The following PNRC1 variants were observed in gnomAD, a reference collection of about 807,000 sequenced individuals.
PNRC1 encodes proline-rich nuclear receptor coactivator 1.
PNRC1 carries 6 observed loss-of-function variants against 20.2 expected under a neutral mutation model. The ratio of observed to expected loss-of-function variants is 0.30; its 90% CI spans 0.16 to 0.59. The LOEUF (loss-of-function observed/expected upper bound fraction) is 0.59, where lower values mean the gene tolerates loss of function less well. Ranked by LOEUF, PNRC1 falls within the 20% of genes least tolerant of loss-of-function variation. PNRC1 has a pLI of 0.89. For synonymous variants in PNRC1, 202 were observed against 186.9 expected (o/e 1.08, Z -0.66); for missense variants, 488 against 430.2 (o/e 1.13, Z -1.19).
rs780684799 is a variant in PNRC1, at chr6:89,080,998, T to C, written c.104T>C (p.Val35Ala). The change falls in exon 1 of 2, where the codon GTG (valine) becomes GCG (alanine). Residue 35 changes from valine (V) to alanine (A), a missense_variant. Val to Ala is a moderately conservative substitution (Grantham distance 64). Transcript: ENST00000336032. Reference protein sequence around the residue: ...SRGYFGALPMVTTAPPPLPRI... With the variant: ...SRGYFGALPMATTAPPPLPRI... ...GGTTACTTTGGGGCCCTCCCGATGG[T>C]GACCACGGCTCCGCCTCCTTTACCC... is the stretch of plus-strand genomic sequence containing the variant. The C allele has an allele frequency of 6.2e-7, 1 of 1,613,014 alleles. No individual in the cohort carries two copies. The highest frequency in any genetic ancestry group is 1.1e-5 in the South Asian group (1 of 91,090).
chr6:89,081,483 G>A (rs2127985463), intron 1 of PNRC1, 49 bp downstream of exon 1: 5 of 1,127,220 alleles, frequency 4.4e-6, no homozygotes, highest in Non-Finnish European at 5.6e-6. Flanking sequence ...AGACGGTCGC[G>A]GCCGAGCTCT....
At position 89,081,211 on chromosome 6, in the gene PNRC1, C is replaced by T; in HGVS notation, c.317C>T (p.Pro106Leu). 2 of 1,560,838 alleles carry T rather than the reference C, an allele frequency of 1.3e-6. No individual in the cohort carries two copies. The highest frequency in any genetic ancestry group is 8.6e-7 in the Non-Finnish European group (1 of 1,161,770). The change falls in exon 1 of 2, where the codon CCC (proline) becomes CTC (leucine). Residue 106 changes from proline to leucine, a missense_variant. Coordinates refer to ENST00000336032, the MANE Select transcript of PNRC1 (RefSeq NM_006813.3). ...KRRKKKVRASPAGQLPSRFHQ... is the reference protein window; with the variant it reads ...KRRKKKVRASLAGQLPSRFHQ... ...CGAAAGAAGAAGGTGCGGGCCAGCC[C>T]CGCAGGGCAGCTGCCCAGCCGCTTC...
Position 89,084,071 on chromosome 6 carries a change from C to G in PNRC1, c.859C>G (p.Pro287Ala). Residue 287 changes from proline to alanine, a missense_variant, in exon 2 of 2, where the codon CCA becomes GCA. By Grantham distance (27) the Pro-to-Ala change is conservative. Transcript: ENST00000336032. Reference sequence around the variant, plus strand: ...TTATGCTGGGGCAAAGTTTAGTGATCCACCTTCTCCTAGTGTTCTTCCAAA... The same window carrying G: ...TTATGCTGGGGCAAAGTTTAGTGATGCACCTTCTCCTAGTGTTCTTCCAAA... Reference protein sequence around the residue: ...ENYAGAKFSDPPSPSVLPKPP... With the variant: ...ENYAGAKFSDAPSPSVLPKPP... 1 of 1,614,052 alleles carries G rather than the reference C, an allele frequency of 6.2e-7. No homozygotes were observed. Among genetic ancestry groups the G allele is most frequent in the Non-Finnish European group, 8.5e-7 (1 of 1,179,962 alleles).
Position 89,080,869 on chromosome 6 carries a change from TG to T in PNRC1, c.-25del. 1 of 1,605,490 alleles carries T rather than the reference TG, an allele frequency of 6.2e-7. No individual in the cohort carries two copies. The highest frequency in any genetic ancestry group is 2.2e-5 in the East Asian group (1 of 44,858). On this transcript the variant is annotated 5_prime_UTR_variant, in exon 1 of 2. Transcript: ENST00000336032. Reference sequence around the variant, plus strand: ...ATTCACCTTCTCCTTCTCTCTTCGTTGCTGAGCGACAAGCTTCCTAGCGCTA... The same window carrying T: ...ATTCACCTTCTCCTTCTCTCTTCGTTCTGAGCGACAAGCTTCCTAGCGCTA...
In PNRC1 at chr6:89,081,371, A is replaced by G; in HGVS notation, c.477A>G (p.Gly159=). 7.0e-7 allele frequency: 1 copy of G among 1,420,322 alleles called. No homozygotes were observed. The highest frequency in any genetic ancestry group is 9.1e-7 in the Non-Finnish European group (1 of 1,098,076). 88.0% of individuals were successfully genotyped at this position (1,420,322 alleles called of 1,614,324 possible). ...CTGCAGCCGCAGCCGGCACGGAGGG[A>G]GCCAGCCCCGACCTTGCCCCGCTGC... ...PSPAAAAGTE[G]ASPDLAPLRP... The change falls in exon 1 of 2, where the codon GGA becomes GGG. Residue 159 remains glycine (G), a synonymous_variant. Transcript: ENST00000336032.
chr6:89,081,514 C>CG (rs1202177000), intron 1 of PNRC1, 80 bp downstream of exon 1: 128 of 12,532 alleles, frequency 0.01, 1 homozygote, highest in Admixed American at 0.019. Context: ...ACCCTGCACC[C>CG]GGGGGGTCGG....
chr6:89,080,856 CTTCTCT>C lies in PNRC1; in HGVS notation c.-38_-33del. ...CTTCACTGGCTTCATTCACCTTCTC[CTTCTCT>C]CTTCGTTGCTGAGCGACAAGCTTCC... On this transcript the variant is annotated 5_prime_UTR_variant, in exon 1 of 2. Transcript: ENST00000336032. 6.3e-7 allele frequency: 1 copy of C among 1,597,324 alleles called. No individual in the cohort carries two copies. Among genetic ancestry groups the C allele is most frequent in the Middle Eastern group, 1.7e-4 (1 of 6,044 alleles).
In PNRC1 at chr6:89,080,756, T is replaced by C; in HGVS notation, c.-139T>C. 1.2e-6 allele frequency: 1 copy of C among 802,986 alleles called. No homozygotes were observed. Among genetic ancestry groups the C allele is most frequent in the South Asian group, 1.5e-5 (1 of 65,842 alleles). The allele number at this position is 802,986 out of a possible 1,614,324, so 49.7% of individuals were successfully genotyped here. ...AGCTGGGGCTGTGGCTATTTGTTGC[T>C]GCGCCGCCACCGCCCGAGTCATGTT... is the stretch of plus-strand genomic sequence containing the variant. On this transcript the variant is annotated 5_prime_UTR_variant, in exon 1 of 2. Coordinates refer to ENST00000336032, the MANE Select transcript of PNRC1 (RefSeq NM_006813.3).
chr6:89,081,857 C>G (rs1484235498), intron 1 of PNRC1: 2 of 153,424 alleles, frequency 1.3e-5, no homozygotes, highest in Non-Finnish European at 2.9e-5. Context: ...GTGGGGGCAG[C>G]TGGGGAAGGA....
In PNRC1 at chr6:89,081,040, G is replaced by A; in HGVS notation, c.146G>A (p.Arg49Gln). Residue 49 changes from arginine to glutamine, a missense_variant, in exon 1 of 2, where the codon CGG becomes CAG. Physicochemically the swap from Arg to Gln is conservative, Grantham distance 43. Transcript: ENST00000336032. ...CCTTTACCCCGGATCCCGGACCCCC[G>A]GGCACTGCCCCCGACCCTCTTCCTC... ...PPPLPRIPDP[R>Q]ALPPTLFLPH... is the part of the protein sequence containing the mutation. 1.2e-6 allele frequency: 2 copies of A among 1,611,304 alleles called. No homozygotes were observed. The highest frequency in any genetic ancestry group is 1.7e-6 in the Non-Finnish European group (2 of 1,179,854).
chr6:89,082,611 C>G (rs1434422351), intron 1 of PNRC1: 5 of 152,150 alleles, frequency 3.3e-5, no homozygotes, highest in Non-Finnish European at 5.9e-5. Flanking sequence ...GGTCCTCTTT[C>G]GTGTCGTGTC....
At position 89,080,796 on chromosome 6, in the gene PNRC1, G is replaced by A; in HGVS notation, c.-99G>A. Reference sequence around the variant, plus strand: ...CGAGTCATGTTCCGCGATCTTCTCAGGCTCTCCTAGCAGCATCCATCGCCG... The same window carrying A: ...CGAGTCATGTTCCGCGATCTTCTCAAGCTCTCCTAGCAGCATCCATCGCCG... On this transcript the variant is annotated 5_prime_UTR_variant, in exon 1 of 2. Transcript: ENST00000336032. The A allele has an allele frequency of 8.6e-7, 1 of 1,161,996 alleles. No homozygotes were observed. The highest frequency in any genetic ancestry group is 1.3e-5 in the South Asian group (1 of 79,300). The allele number at this position is 1,161,996 out of a possible 1,614,324, so 72.0% of individuals were successfully genotyped here.
At chr6:89,081,470 C>T (rs1767991972) in intron 1 of PNRC1, 36 bp downstream of exon 1, 8 of 1,053,724 alleles carry the variant, frequency 7.6e-6, no homozygotes, top group South Asian at 6.3e-5. Flanking sequence ...GAGTCGGGCC[C>T]TTAGACGGTC....
Position 89,080,779 on chromosome 6 carries a change from G to A in PNRC1, c.-116G>A, listed in dbSNP as rs1374864095. The stretch of plus-strand genomic sequence containing the variant: ...GCTGCGCCGCCACCGCCCGAGTCAT[G>A]TTCCGCGATCTTCTCAGGCTCTCCT... On this transcript the variant is annotated 5_prime_UTR_variant, in exon 1 of 2. The change abolishes an upstream ATG in the 5' untranslated region. Transcript: ENST00000336032. The A allele has an allele frequency of 4.0e-6, 4 of 990,432 alleles. No individual in the cohort carries two copies. The highest frequency in any genetic ancestry group is 2.2e-5 in the Admixed American group (1 of 45,896). 61.4% of individuals were successfully genotyped at this position (990,432 alleles called of 1,614,324 possible).
Position 89,084,386 on chromosome 6 carries a change from G to A in PNRC1, c.*190G>A. 1 of 508,940 alleles carries A rather than the reference G, an allele frequency of 2.0e-6. No individual in the cohort carries two copies. Among genetic ancestry groups the A allele is most frequent in the Non-Finnish European group, 3.5e-6 (1 of 283,500 alleles). The allele number at this position is 508,940 out of a possible 1,614,324, so 31.5% of individuals were successfully genotyped here. A position where few individuals can be genotyped will look rare whatever the true frequency, so the allele number is the denominator to read the frequency against. On this transcript the variant is annotated 3_prime_UTR_variant, in exon 2 of 2. Coordinates refer to ENST00000336032, the MANE Select transcript of PNRC1 (RefSeq NM_006813.3). The stretch of plus-strand genomic sequence containing the variant: ...AAATACTGTATACCATGTATTATGT[G>A]TATATTGTTCATACTTGAGAGGTAT...
intron 1 of PNRC1, among the ~76,000 whole-genome samples, 157 bp from the exon 2 acceptor site, chr6:89,083,596 C>T (rs1305755328): frequency 6.6e-6 from 1 of 152,142 alleles, no homozygotes; most frequent in Admixed American, 6.5e-5. Flanking sequence ...AGGGTAATGG[C>T]CCCCAGCTAC....
rs142290803 is a variant in PNRC1, at chr6:89,080,915, G to A, written c.21G>A (p.Pro7=). The change falls in exon 1 of 2, where the codon CCG becomes CCA. Residue 7 remains proline (P), a synonymous_variant. Transcript: ENST00000336032. ...GCGCTATGACTGTCGTCTCCGTCCC[G>A]CAGCGGGAGCCGCTCGTCCTGGGTG... MTVVSV[P]QREPLVLGGR... 6.2e-7 allele frequency: 1 copy of A among 1,612,064 alleles called. No individual in the cohort carries two copies. The highest frequency in any genetic ancestry group is 8.5e-7 in the Non-Finnish European group (1 of 1,179,988).
In PNRC1 at chr6:89,084,412, A is replaced by C. The variant is rs887857759; in HGVS notation, c.*216A>C. On this transcript the variant is annotated 3_prime_UTR_variant, in exon 2 of 2. Transcript: ENST00000336032. ...TATATTGTTCATACTTGAGAGGTATATTATAGTTTTGTTATGAAAGTATGT... is the reference window on the plus strand; with the variant it reads ...TATATTGTTCATACTTGAGAGGTATCTTATAGTTTTGTTATGAAAGTATGT... 2 of 414,774 alleles carry C rather than the reference A, an allele frequency of 4.8e-6. No homozygotes were observed. Among genetic ancestry groups the C allele is most frequent in the Non-Finnish European group, 8.8e-6 (2 of 227,610 alleles). 25.7% of individuals were successfully genotyped at this position (414,774 alleles called of 1,614,324 possible). A position where few individuals can be genotyped will look rare whatever the true frequency, so the allele number is the denominator to read the frequency against.
chr6:89,081,893 C>G (rs1028442060), intron 1 of PNRC1: 1 of 152,496 alleles, frequency 6.6e-6, no homozygotes, highest in African/African-American at 2.4e-5. Flanking sequence ...GGCCTCCCGG[C>G]TATCGGGAGC....
Sources: gnomAD v4.1 joint callset for allele counts (sites outside exome capture counted in the v4.1 genomes callset) on GRCh38, gnomAD v4.1.1 for gene constraint, MANE v1.5 for transcripts, NCBI Gene and HGNC (gene_info 2026-07-23, HGNC 2026-07-21) for gene names.